Variants in LIN28B observed in about 807,000 individuals in gnomAD.
The protein encoded by LIN28B is protein lin-28 homolog B.
Under a neutral mutation model 21.9 loss-of-function variants are expected in LIN28B, and 5 were observed. The observed-to-expected ratio is 0.23, with a 90% CI of 0.12 to 0.48. The LOEUF is 0.48. Ranked by LOEUF, LIN28B falls within the 20% of genes least tolerant of loss-of-function variation. The pLI, the probability that LIN28B is intolerant of heterozygous loss-of-function variation, is 0.98. For synonymous variants in LIN28B, 109 were observed against 111.3 expected, an observed-to-expected ratio of 0.98 and a Z score of 0.13; for missense variants, 245 against 310.5, an observed-to-expected ratio of 0.79 and a Z score of 1.58.
At chr6:105,068,413 T>C (rs1028211636) in intron 3 of LIN28B, among the ~76,000 whole-genome samples, 10 of 152,194 alleles carry the variant, frequency 6.6e-5, no homozygotes, top group African/African-American at 2.4e-4. Flanking sequence ...AATCAGATGA[T>C]AAAAGAGGTT....
intron 2 of LIN28B, among the ~76,000 whole-genome samples, chr6:104,966,219 C>T (rs998739040): frequency 3.3e-5 from 5 of 152,088 alleles, no homozygotes; most frequent in Non-Finnish European, 5.9e-5. Context: ...TGTTTGGCTT[C>T]GGCTCTGCCA....
chr6:104,974,191 T>C (rs914423215), intron 2 of LIN28B, among the ~76,000 whole-genome samples: 123 of 152,096 alleles, frequency 8.1e-4, no homozygotes, highest in Middle Eastern at 3.4e-3. Context: ...CCAAGATGAG[T>C]AAAAAAATGC....
chr6:105,058,027 T>G, intron 3 of LIN28B: 1 of 377,568 alleles, frequency 2.6e-6, no homozygotes, highest in Non-Finnish European at 5.1e-6. Flanking sequence ...TCTTTTATGA[T>G]TTTTTTAACC....
chr6:105,005,954 A>G (rs1253717372), intron 2 of LIN28B, among the ~76,000 whole-genome samples: 1 of 152,204 alleles, frequency 6.6e-6, no homozygotes, highest in East Asian at 1.9e-4. Flanking sequence ...GACTCATTTC[A>G]TAGATGCATT....
chr6:104,991,458 G>C (rs1189632937), intron 2 of LIN28B, among the ~76,000 whole-genome samples: 2 of 151,538 alleles, frequency 1.3e-5, no homozygotes, highest in South Asian at 4.2e-4. Flanking sequence ...GACGATGGGC[G>C]GCTGGGCAGA....
intron 2 of LIN28B, 83 bp downstream of exon 2, chr6:104,958,369 A>G (rs1769624427): frequency 9.0e-7 from 1 of 1,109,868 alleles, no homozygotes. Flanking sequence ...GACGTACGAT[A>G]AGATGTCCTT....
In LIN28B at chr6:105,078,945, T is replaced by A; in HGVS notation, c.*162T>A. 2 of 713,832 alleles carry A rather than the reference T, an allele frequency of 2.8e-6. No individual in the cohort carries two copies. Among genetic ancestry groups the A allele is most frequent in the Non-Finnish European group, 4.5e-6 (2 of 441,608 alleles). 44.2% of individuals were successfully genotyped at this position (713,832 alleles called of 1,614,324 possible). On this transcript the variant is annotated 3_prime_UTR_variant, in exon 4 of 4. Coordinates refer to ENST00000345080, the MANE Select transcript of LIN28B (RefSeq NM_001004317.4). ...GACAAATCACTCTAAGCAAATTACA[T>A]TTGAGCAGGGTGTCATGTTTTATGT...
intron 2 of LIN28B, among the ~76,000 whole-genome samples, chr6:104,968,263 C>T (rs933964118): frequency 7.9e-5 from 12 of 152,068 alleles, no homozygotes; most frequent in East Asian, 1.9e-4. Flanking sequence ...CTTCCTTTTA[C>T]GAAGTCTAAT....
At chr6:105,045,284 GTTTTTTTT>G in intron 3 of LIN28B, among the ~76,000 whole-genome samples, 1 of 116,814 alleles carries the variant, frequency 8.6e-6, no homozygotes, top group African/African-American at 3.4e-5. Flanking sequence ...ATGTCATTCT[GTTTTTTTT>G]TTTTTTTTTT....
At chr6:104,956,555 GTATGTTT>G (rs1172517642), upstream of LIN28B, among the ~76,000 whole-genome samples, 2 of 152,108 alleles carry the variant, frequency 1.3e-5, no homozygotes, top group Admixed American at 1.3e-4. Flanking sequence ...TTTCCTAGGT[GTATGTTT>G]TCATTATCTA....
intron 3 of LIN28B, among the ~76,000 whole-genome samples, chr6:105,051,513 A>G (rs1361832676): frequency 6.6e-6 from 1 of 151,716 alleles, no homozygotes; most frequent in African/African-American, 2.4e-5. Context: ...GTTGTATACT[A>G]CATTCTTTCC....
intron 2 of LIN28B, among the ~76,000 whole-genome samples, chr6:104,972,532 T>C (rs1217150171): frequency 6.6e-6 from 1 of 152,170 alleles, no homozygotes; most frequent in Non-Finnish European, 1.5e-5. Flanking sequence ...AGCATCTTCA[T>C]GTTTTGTCAA....
intron 2 of LIN28B, among the ~76,000 whole-genome samples, chr6:104,987,592 C>T (rs952013890): frequency 6.6e-6 from 1 of 152,186 alleles, no homozygotes; most frequent in African/African-American, 2.4e-5. Flanking sequence ...TCTCAAAGTA[C>T]TGGGATTACA....
Position 105,082,794 on chromosome 6 carries a change from A to G in LIN28B, c.*4011A>G, listed in dbSNP as rs1254107428. 6.6e-6 allele frequency: 1 copy of G among 152,656 alleles called. No homozygotes were observed. The highest frequency in any genetic ancestry group is 1.5e-5 in the Non-Finnish European group (1 of 68,040). The allele number at this position is 152,656 out of a possible 1,614,324, so 9.5% of individuals were successfully genotyped here. ...GCTGCAAGTTATGGTAAAGTACTGT[A>G]CTGTGAGAAGTATTATGATATTTAA... On this transcript the variant is annotated 3_prime_UTR_variant, in exon 4 of 4. Coordinates refer to ENST00000345080, the MANE Select transcript of LIN28B (RefSeq NM_001004317.4).
intron 2 of LIN28B, among the ~76,000 whole-genome samples, chr6:105,015,341 C>T (rs969338863): frequency 6.6e-6 from 1 of 152,102 alleles, no homozygotes; most frequent in Non-Finnish European, 1.5e-5. Flanking sequence ...TATAACACAG[C>T]TGTAGCCTTA....
At chr6:105,010,060 T>C (rs2114306767) in intron 2 of LIN28B, among the ~76,000 whole-genome samples, 1 of 152,210 alleles carries the variant, frequency 6.6e-6, no homozygotes, top group South Asian at 2.1e-4. Context: ...GTTAGTAGCA[T>C]CCAATATAAG....
chr6:104,997,015 T>C (rs946559870), intron 2 of LIN28B, among the ~76,000 whole-genome samples: 3 of 151,856 alleles, frequency 2.0e-5, no homozygotes, highest in African/African-American at 7.3e-5. Flanking sequence ...GGCACAGTGG[T>C]TCATGCCTGT....
At chr6:104,996,179 T>C (rs921359099) in intron 2 of LIN28B, among the ~76,000 whole-genome samples, 1 of 152,146 alleles carries the variant, frequency 6.6e-6, no homozygotes, top group Non-Finnish European at 1.5e-5. Context: ...GGATTTGCTC[T>C]GGACTGGATG....
At chr6:104,957,791 A>G (rs183418886) in intron 1 of LIN28B, among the ~76,000 whole-genome samples, 74 of 152,202 alleles carry the variant, frequency 4.9e-4, no homozygotes, top group Non-Finnish European at 9.7e-4. Context: ...TATACAAGTA[A>G]AGTATCGCAT....
Sources: gnomAD v4.1 joint callset for allele counts (sites outside exome capture counted in the v4.1 genomes callset) on GRCh38, gnomAD v4.1.1 for gene constraint, MANE v1.5 for transcripts, NCBI Gene and HGNC (gene_info 2026-07-23, HGNC 2026-07-21) for gene names.